The following ZNF438 variants were observed in gnomAD, a reference collection of about 807,000 sequenced individuals.
ZNF438 encodes zinc finger protein 438.
A neutral mutation model predicts 38.0 loss-of-function variants in ZNF438; 25 were observed. The observed-to-expected ratio is 0.66, with a 90% CI of 0.48 to 0.92. The LOEUF (loss-of-function observed/expected upper bound fraction) is 0.92, where lower values mean the gene tolerates loss of function less well. Ranked by LOEUF, ZNF438 falls within the 40% of genes least tolerant of loss-of-function variation. ZNF438 has a pLI of 0.00. For synonymous variants in ZNF438, 372 were observed against 364.1 expected (o/e 1.02, Z -0.25); for missense variants, 1,007 against 999.6 (o/e 1.01, Z -0.10).
At chr10:30,945,046 ATTT>A (rs199523903) in intron 1 of ZNF438, among the ~76,000 whole-genome samples, 1 of 139,350 alleles carries the variant, frequency 7.2e-6, no homozygotes, top group Non-Finnish European at 1.6e-5. Flanking sequence ...ACTCTTCCAG[ATTT>A]TTTTTTTTTT....
At chr10:30,883,093 T>C (rs943067983) in intron 3 of ZNF438, among the ~76,000 whole-genome samples, 1 of 152,200 alleles carries the variant, frequency 6.6e-6, no homozygotes, top group East Asian at 1.9e-4. Context: ...AAAAAATTTA[T>C]AGAAGACAAC....
chr10:30,930,803 C>CAAAAAAAA lies in ZNF438; in HGVS notation c.-115+10764_-115+10771dup, dbSNP rs71527620. Among the ~76,000 whole-genome samples, 74 of 38,436 alleles carry CAAAAAAAA rather than the reference C, an allele frequency of 1.9e-3. 4 individuals are homozygous for CAAAAAAAA. The highest frequency in any genetic ancestry group is 3.2e-3 in the African/African-American group (39 of 12,220). 25.2% of individuals were successfully genotyped at this position (38,436 alleles called of 152,430 possible). ...GCCTGGCGACAGAGAGAAACTCAGT[C>CAAAAAAAA]AAAAAAAAAAAAAAAAAAAAAAAAA... On this transcript the variant is annotated intron_variant, in intron 2 of 5. Transcript: ENST00000413025.
At chr10:30,872,692 G>T (rs1407535928) in intron 4 of ZNF438, among the ~76,000 whole-genome samples, 2 of 140,332 alleles carry the variant, frequency 1.4e-5, no homozygotes, top group African/African-American at 2.6e-5. Flanking sequence ...GGAGCTTGCA[G>T]TGAGCCAAGA....
intron 1 of ZNF438, among the ~76,000 whole-genome samples, chr10:30,981,877 C>CAA (rs113602194): frequency 8.8e-4 from 94 of 106,712 alleles, no homozygotes; most frequent in Admixed American, 2.5e-3. Context: ...GACTCCATCT[C>CAA]AAAAAAAAAA....
intron 1 of ZNF438, among the ~76,000 whole-genome samples, chr10:30,963,626 C>G (rs1375557467): frequency 6.6e-6 from 1 of 152,134 alleles, no homozygotes; most frequent in Non-Finnish European, 1.5e-5. Flanking sequence ...GTAATCCCAG[C>G]ACTTTGGGAG....
intron 1 of ZNF438, among the ~76,000 whole-genome samples, chr10:30,998,527 A>G (rs923161852): frequency 8.7e-6 from 1 of 114,822 alleles, no homozygotes. Context: ...TGGGTGACAG[A>G]GAGAGACTGT....
At chr10:30,991,187 A>C (rs971423428) in intron 1 of ZNF438, among the ~76,000 whole-genome samples, 1 of 152,180 alleles carries the variant, frequency 6.6e-6, no homozygotes, top group Non-Finnish European at 1.5e-5. Flanking sequence ...TCCGGTCAAG[A>C]ATATGGGGGC....
intron 3 of ZNF438, among the ~76,000 whole-genome samples, chr10:30,899,206 G>C (rs3006600): frequency 6.6e-6 from 1 of 152,158 alleles, no homozygotes; most frequent in African/African-American, 2.4e-5. Context: ...TATTTGATGA[G>C]TTAACTTTGA....
At chr10:30,979,967 C>A (rs186281153) in intron 1 of ZNF438, among the ~76,000 whole-genome samples, 1 of 152,162 alleles carries the variant, frequency 6.6e-6, no homozygotes, top group African/African-American at 2.4e-5. Flanking sequence ...TGGATATGCA[C>A]TTTTCTTCTC....
In ZNF438 at chr10:30,971,972, C is replaced by CT. The variant is rs11320310; in HGVS notation, c.-191-30322dup. On this transcript the variant is annotated intron_variant, in intron 1 of 5. Transcript: ENST00000413025. ...CACACAGAAAGTAGAGCCCTTGATTCTTTTTTTTTTTTTCTGAGATGGAGT... is the reference window on the plus strand; with the variant it reads ...CACACAGAAAGTAGAGCCCTTGATTCTTTTTTTTTTTTTTCTGAGATGGAGT... Among the ~76,000 whole-genome samples the CT allele has an allele frequency of 4.7e-3, 691 of 147,066 alleles. 6 individuals carry two copies. Among genetic ancestry groups the CT allele is most frequent in the African/African-American group, 0.012 (466 of 40,198 alleles).
chr10:31,015,909 G>A (rs545106537), intron 1 of ZNF438, among the ~76,000 whole-genome samples: 12 of 152,152 alleles, frequency 7.9e-5, no homozygotes, highest in African/African-American at 2.4e-4. Context: ...CTCCTTATAG[G>A]GGCACCAGTT....
chr10:30,983,897 A>T (rs1425752149), intron 1 of ZNF438, among the ~76,000 whole-genome samples: 2 of 152,152 alleles, frequency 1.3e-5, no homozygotes, highest in Admixed American at 6.5e-5. Flanking sequence ...GTTGTCCATA[A>T]AGTTAAACAT....
chr10:30,848,193 T>A (rs1218266495), intron 5 of ZNF438, among the ~76,000 whole-genome samples: 1 of 152,078 alleles, frequency 6.6e-6, no homozygotes, highest in Non-Finnish European at 1.5e-5. Flanking sequence ...CCACTCTGAG[T>A]CCCCAACCAT....
intron 1 of ZNF438, among the ~76,000 whole-genome samples, chr10:30,966,281 G>C (rs190546914): frequency 8.0e-4 from 122 of 152,258 alleles, no homozygotes; most frequent in African/African-American, 2.8e-3. Context: ...AGTGAGCTAT[G>C]ATCATGCCAC....
chr10:30,937,012 C>T (rs1291091751), intron 2 of ZNF438, among the ~76,000 whole-genome samples: 3 of 152,154 alleles, frequency 2.0e-5, no homozygotes, highest in Admixed American at 6.5e-5. Context: ...TAGCAGCTAT[C>T]GTGTTCCTCT....
At position 30,958,313 on chromosome 10, in the gene ZNF438, A is replaced by G. The variant is rs1012007305; in HGVS notation, c.-191-16662T>C. 2.7e-5 allele frequency among the ~76,000 whole-genome samples: 4 copies of G among 147,238 alleles called. 1 individual carries two copies. Among genetic ancestry groups the G allele is most frequent in the Non-Finnish European group, 6.2e-5 (4 of 64,936 alleles). ...AGGACAGACTTGATTACACTGCACT[A>G]TAACAAAAAGAATACATTTTCCTTT... On this transcript the variant is annotated intron_variant, in intron 1 of 5. Coordinates refer to ENST00000413025, the Ensembl canonical transcript of ZNF438.
intron 3 of ZNF438, among the ~76,000 whole-genome samples, chr10:30,898,231 T>C (rs1195166123): frequency 6.6e-6 from 1 of 152,162 alleles, no homozygotes; most frequent in Non-Finnish European, 1.5e-5. Context: ...TTGAATGTTC[T>C]ACCTTACAGA....
chr10:30,982,133 G>A (rs574726211), intron 1 of ZNF438, among the ~76,000 whole-genome samples: 7 of 142,710 alleles, frequency 4.9e-5, no homozygotes, highest in Non-Finnish European at 7.5e-5. Flanking sequence ...ATGGAGTCTC[G>A]CGCTGTCACC....
intron 5 of ZNF438, among the ~76,000 whole-genome samples, chr10:30,847,188 G>T (rs1412089732): frequency 6.6e-6 from 1 of 152,214 alleles, no homozygotes; most frequent in African/African-American, 2.4e-5. Context: ...AAGCCTGGGG[G>T]CCAGGTTGCC....
Sources: gnomAD v4.1 joint callset for allele counts (sites outside exome capture counted in the v4.1 genomes callset) on GRCh38, gnomAD v4.1.1 for gene constraint, MANE v1.5 for transcripts, NCBI Gene and HGNC (gene_info 2026-07-23, HGNC 2026-07-21) for gene names.